PTER: variants seen among roughly 807,000 people sequenced by gnomAD.
PTER encodes phosphotriesterase related.
Under a neutral mutation model 29.6 loss-of-function variants are expected in PTER, and 38 were observed. That is an observed-to-expected ratio of 1.28 (90% confidence interval 0.99 to 1.68). The LOEUF is 1.68. Ranked by LOEUF, PTER falls within the 40% of genes most tolerant of loss-of-function variation. The pLI is 0.00. For missense variants in PTER, 482 were observed against 427.8 expected (o/e 1.13, Z -1.12); for synonymous variants, 172 against 154.5 (o/e 1.11, Z -0.84).
At chr10:16,478,644 A>T (rs1167810821) in intron 1 of PTER, among the ~76,000 whole-genome samples, 1 of 152,080 alleles carries the variant, frequency 6.6e-6, no homozygotes, top group Non-Finnish European at 1.5e-5. Context: ...CCATTTAAAA[A>T]AAAAAAAAAT....
chr10:16,441,204 A>G (rs1833838082), intron 1 of PTER, among the ~76,000 whole-genome samples: 1 of 152,228 alleles, frequency 6.6e-6, no homozygotes, highest in Non-Finnish European at 1.5e-5. Flanking sequence ...AACACAATTT[A>G]TATATTTTTA....
At chr10:16,481,376 A>G (rs902073) in intron 1 of PTER, among the ~76,000 whole-genome samples, 40,530 of 152,000 alleles carry the variant, frequency 0.27, 5,979 homozygotes, top group South Asian at 0.4. Flanking sequence ...GCCATGAATA[A>G]CCTCTTGCCT....
intron 3 of PTER, among the ~76,000 whole-genome samples, chr10:16,503,282 A>G (rs1836434357): frequency 6.6e-6 from 1 of 151,624 alleles, no homozygotes; most frequent in Non-Finnish European, 1.5e-5. Flanking sequence ...GCTGGAATGC[A>G]ATGGCACGAT....
intron 1 of PTER, among the ~76,000 whole-genome samples, chr10:16,466,189 G>A (rs1266067596): frequency 6.6e-6 from 1 of 152,082 alleles, no homozygotes; most frequent in African/African-American, 2.4e-5. Flanking sequence ...ACTTTCCCAG[G>A]CAGGTGTCCA....
downstream of PTER, among the ~76,000 whole-genome samples, chr10:16,518,740 C>A (rs1836990266): frequency 6.6e-6 from 1 of 152,022 alleles, no homozygotes. Flanking sequence ...TTAATTGATA[C>A]CTCTAAAAAT....
At chr10:16,500,086 G>T (rs1836276636) in intron 3 of PTER, among the ~76,000 whole-genome samples, 1 of 151,842 alleles carries the variant, frequency 6.6e-6, no homozygotes, top group Admixed American at 6.6e-5. Flanking sequence ...TAAAATATCA[G>T]CCTAATTGCT....
intron 1 of PTER, among the ~76,000 whole-genome samples, chr10:16,440,376 G>T (rs757290684): frequency 2.0e-5 from 3 of 151,770 alleles, no homozygotes; most frequent in Non-Finnish European, 4.4e-5. Flanking sequence ...ATAACAAAAG[G>T]CTTCTCATTC....
chr10:16,502,988 CAAAAAAAAA>C (rs61446204), intron 3 of PTER, among the ~76,000 whole-genome samples: 1 of 41,358 alleles, frequency 2.4e-5, no homozygotes, highest in African/African-American at 8.2e-5. Flanking sequence ...GACTCTGTCT[CAAAAAAAAA>C]AAAAAAAAAA....
chr10:16,439,349 G>GA (rs1222900950), intron 1 of PTER, among the ~76,000 whole-genome samples: 14 of 151,708 alleles, frequency 9.2e-5, no homozygotes, highest in South Asian at 2.1e-4. Flanking sequence ...AAGCATTTCT[G>GA]AAAAAAAATG....
rs143791268 is a variant in PTER at position 16,495,450 on chromosome 10, G to A, written c.698+8833G>A. Reference sequence around the variant, plus strand: ...CTCCCAAAGTGCTGGGAGTATAGGCGTGAGCCACCATGCCCAACCTTCAAT... The same window carrying A: ...CTCCCAAAGTGCTGGGAGTATAGGCATGAGCCACCATGCCCAACCTTCAAT... On this transcript the variant is annotated intron_variant, in intron 3 of 4. Coordinates refer to ENST00000535784, the MANE Select transcript of PTER (RefSeq NM_001261836.2). 3.6e-3 allele frequency among the ~76,000 whole-genome samples: 547 copies of A among 152,284 alleles called. 10 individuals are homozygous for A. Among genetic ancestry groups the A allele is most frequent in the Non-Finnish European group, 2.4e-3 (164 of 68,028 alleles).
chr10:16,515,475 C>A (rs967268135), downstream of PTER, among the ~76,000 whole-genome samples: 2 of 152,104 alleles, frequency 1.3e-5, no homozygotes, highest in African/African-American at 4.8e-5. Flanking sequence ...TGCTCTGAGG[C>A]CTCTCAAGTT....
At chr10:16,496,734 GTTAT>G (rs1371168343) in intron 3 of PTER, among the ~76,000 whole-genome samples, 1 of 152,126 alleles carries the variant, frequency 6.6e-6, no homozygotes, top group Non-Finnish European at 1.5e-5. Flanking sequence ...TGGGACTGGT[GTTAT>G]TTGTGTTTGC....
At chr10:16,509,455 G>T (rs1201174721) in intron 4 of PTER, among the ~76,000 whole-genome samples, 2 of 152,156 alleles carry the variant, frequency 1.3e-5, no homozygotes, top group African/African-American at 4.8e-5. Flanking sequence ...TTATCCACAT[G>T]ATCTGCCTTT....
At chr10:16,468,870 G>T (rs965790449) in intron 1 of PTER, among the ~76,000 whole-genome samples, 2 of 152,034 alleles carry the variant, frequency 1.3e-5, no homozygotes, top group Non-Finnish European at 2.9e-5. Context: ...AACTACTCAG[G>T]AGGCTGAGGT....
In PTER at chr10:16,484,827, T is replaced by C; in HGVS notation, c.432+11T>C. 6.3e-7 allele frequency: 1 copy of C among 1,578,228 alleles called. No homozygotes were observed. On this transcript the variant is annotated intron_variant, in intron 2 of 4. Transcript: ENST00000535784. ...ATGTCAGTGGAGCAGGTAAAAAGCC[T>C]AAGTTCTTTGACAGTATTTGTTCAT...
At chr10:16,481,128 T>C (rs1212870222) in intron 1 of PTER, among the ~76,000 whole-genome samples, 1 of 152,228 alleles carries the variant, frequency 6.6e-6, no homozygotes, top group East Asian at 1.9e-4. Context: ...AAATTTCACA[T>C]TTGAAGTGCA....
intron 3 of PTER, among the ~76,000 whole-genome samples, chr10:16,498,112 T>G (rs1836182437): frequency 6.6e-6 from 1 of 152,242 alleles, no homozygotes; most frequent in South Asian, 2.1e-4. Flanking sequence ...GGATGTTTTG[T>G]AAATGACATT....
intron 1 of PTER, among the ~76,000 whole-genome samples, chr10:16,472,663 T>C (rs1835096733): frequency 6.6e-6 from 1 of 152,198 alleles, no homozygotes; most frequent in Non-Finnish European, 1.5e-5. Context: ...ACTAATACAG[T>C]CCTTCTCCCC....
chr10:16,439,190 G>C (rs1833764163), intron 1 of PTER, among the ~76,000 whole-genome samples: 1 of 152,098 alleles, frequency 6.6e-6, no homozygotes, highest in South Asian at 2.1e-4. Flanking sequence ...GTCAGTAGCG[G>C]AGTATCCAGC....
Sources: gnomAD v4.1 joint callset for allele counts (sites outside exome capture counted in the v4.1 genomes callset) on GRCh38, gnomAD v4.1.1 for gene constraint, MANE v1.5 for transcripts, NCBI Gene and HGNC (gene_info 2026-07-23, HGNC 2026-07-21) for gene names.